Variants in CPEB3 observed in about 807,000 individuals in gnomAD.
CPEB3 encodes the protein cytoplasmic polyadenylation element binding protein 3.
A neutral mutation model predicts 67.2 loss-of-function variants in CPEB3; 20 were observed. The ratio of observed to expected loss-of-function variants is 0.30; its 90% confidence interval spans 0.21 to 0.43. The LOEUF (loss-of-function observed/expected upper bound fraction) is 0.43, where lower values mean the gene tolerates loss of function less well. Among genes scored for constraint, CPEB3 ranks in the 20% least tolerant of loss-of-function variants. The pLI, the probability that CPEB3 is intolerant of heterozygous loss-of-function variation, is 1.00. For missense variants in CPEB3, 746 were observed against 968.6 expected (o/e 0.77, Z 3.05); for synonymous variants, 376 against 393.1 (o/e 0.96, Z 0.51).
intron 1 of CPEB3, among the ~76,000 whole-genome samples, chr10:92,253,463 CAAA>C (rs370091703): frequency 2.6e-5 from 2 of 76,852 alleles, no homozygotes; most frequent in Non-Finnish European, 5.1e-5. Flanking sequence ...TGTCTCAAAA[CAAA>C]AAAAAAAAAA....
At chr10:92,279,834 AC>A (rs777156824) in intron 1 of CPEB3, among the ~76,000 whole-genome samples, 29 of 152,174 alleles carry the variant, frequency 1.9e-4, no homozygotes, top group Middle Eastern at 3.4e-3. Flanking sequence ...ACATGGCGAA[AC>A]CCCGTCTCTA....
intron 4 of CPEB3, among the ~76,000 whole-genome samples, chr10:92,171,483 G>C (rs1393602980): frequency 6.6e-6 from 1 of 152,112 alleles, no homozygotes; most frequent in Non-Finnish European, 1.5e-5. Flanking sequence ...CAGTCTCTCA[G>C]ACATGGGTGT....
chr10:92,218,379 C>A (rs1440911103), intron 2 of CPEB3, among the ~76,000 whole-genome samples: 1 of 152,106 alleles, frequency 6.6e-6, no homozygotes, highest in Non-Finnish European at 1.5e-5. Flanking sequence ...TGCACTCCAG[C>A]CTGTGCTACA....
At position 92,091,947 on chromosome 10, in the gene CPEB3, GA is replaced by G; in HGVS notation, c.1573-4del. ...AGGTTCCATGGTCGAATTTGCACCT[GA>G]AAAAAAGTTGTTTACTTGGTCCTTA... On this transcript the variant is annotated splice_region_variant and splice_polypyrimidine_tract_variant and intron_variant, in intron 7 of 9. Transcript: ENST00000265997. The G allele has an allele frequency of 2.5e-6, 4 of 1,596,078 alleles. No homozygotes were observed. The highest frequency in any genetic ancestry group is 3.4e-6 in the Non-Finnish European group (4 of 1,165,492).
intron 6 of CPEB3, among the ~76,000 whole-genome samples, chr10:92,135,314 A>G (rs1197204933): frequency 6.6e-6 from 1 of 152,220 alleles, no homozygotes; most frequent in African/African-American, 2.4e-5. Context: ...AAACAAATTT[A>G]CAAGAGAAAA....
chr10:92,191,086 A>C (rs1239315687), intron 3 of CPEB3, among the ~76,000 whole-genome samples: 1 of 152,282 alleles, frequency 6.6e-6, no homozygotes, highest in East Asian at 1.9e-4. Flanking sequence ...CACTTTTTAA[A>C]GTCAAAAACT....
At chr10:92,153,346 A>G (rs1847051857) in intron 4 of CPEB3, among the ~76,000 whole-genome samples, 1 of 152,344 alleles carries the variant, frequency 6.6e-6, no homozygotes, top group African/African-American at 2.4e-5. Context: ...TAATATCAAT[A>G]TATTTTTTAT....
intron 1 of CPEB3, among the ~76,000 whole-genome samples, chr10:92,259,229 C>T (rs938647827): frequency 8.6e-5 from 13 of 151,868 alleles, no homozygotes; most frequent in Non-Finnish European, 1.9e-4. Flanking sequence ...TCCCAAAGTA[C>T]TGGGATTACA....
At chr10:92,157,909 ATAATT>A (rs1847282084) in intron 4 of CPEB3, among the ~76,000 whole-genome samples, 2 of 152,144 alleles carry the variant, frequency 1.3e-5, no homozygotes, top group Admixed American at 1.3e-4. Flanking sequence ...TTTTGCTAAA[ATAATT>A]AAGATAGAAC....
chr10:92,194,076 G>GT lies in CPEB3; in HGVS notation c.1006-1441dup, dbSNP rs767075347. On this transcript the variant is annotated intron_variant, in intron 2 of 9. Coordinates refer to ENST00000265997, the MANE Select transcript of CPEB3 (RefSeq NM_014912.5). ...CTCCCAAAGTACAGGGATTACAGGC[G>GT]TGAGACACCGCGCCCGGCCTACCTT... is the stretch of plus-strand genomic sequence containing the variant. Among the ~76,000 whole-genome samples, 94 of 151,584 alleles carry GT rather than the reference G, an allele frequency of 6.2e-4. No individual in the cohort carries two copies. The Middle Eastern group carries it at 0.034, about 55-fold the overall frequency.
chr10:92,186,865 T>C (rs567522431), intron 3 of CPEB3, among the ~76,000 whole-genome samples: 3 of 152,176 alleles, frequency 2.0e-5, no homozygotes, highest in African/African-American at 7.2e-5. Context: ...ACAAGAACCA[T>C]CACTTCTTGC....
intron 2 of CPEB3, among the ~76,000 whole-genome samples, chr10:92,199,404 A>G (rs1849400294): frequency 6.6e-6 from 1 of 150,692 alleles, no homozygotes; most frequent in Non-Finnish European, 1.5e-5. Context: ...AAAAAAAAAA[A>G]AAAAAAGGCC....
At chr10:92,214,865 T>C (rs1850270558) in intron 2 of CPEB3, among the ~76,000 whole-genome samples, 1 of 152,148 alleles carries the variant, frequency 6.6e-6, no homozygotes, top group Non-Finnish European at 1.5e-5. Context: ...TTTCTTTTTT[T>C]TGAGACAGAG....
intron 6 of CPEB3, among the ~76,000 whole-genome samples, chr10:92,115,529 G>A (rs1043377852): frequency 5.5e-4 from 83 of 152,266 alleles, no homozygotes; most frequent in Middle Eastern, 3.4e-3. Flanking sequence ...CTAATTGGGC[G>A]GAAAAGAAAA....
intron 2 of CPEB3, among the ~76,000 whole-genome samples, chr10:92,225,599 T>A (rs1850932909): frequency 6.6e-6 from 1 of 152,210 alleles, no homozygotes; most frequent in Non-Finnish European, 1.5e-5. Context: ...AACATTTTGT[T>A]ATAATGGATT....
chr10:92,099,701 A>C (rs1290423407), intron 7 of CPEB3, among the ~76,000 whole-genome samples: 1 of 150,820 alleles, frequency 6.6e-6, no homozygotes, highest in Non-Finnish European at 1.5e-5. Flanking sequence ...TAAAAAAAAA[A>C]AAAATACAAA....
intron 3 of CPEB3, 33 bp downstream of exon 3, chr10:92,192,444 C>A: frequency 6.4e-7 from 1 of 1,553,344 alleles, no homozygotes; most frequent in Non-Finnish European, 8.7e-7. Flanking sequence ...CTTAAAACAC[C>A]AAGCAAGAAA....
At chr10:92,071,287 C>T (rs953913879) in intron 9 of CPEB3, among the ~76,000 whole-genome samples, 16 of 152,112 alleles carry the variant, frequency 1.1e-4, no homozygotes, top group African/African-American at 3.6e-4. Flanking sequence ...AAATTTCTAG[C>T]GGACAACATG....
chr10:92,284,283 C>T (rs1483276625), intron 1 of CPEB3, among the ~76,000 whole-genome samples: 6 of 150,356 alleles, frequency 4.0e-5, no homozygotes, highest in Non-Finnish European at 8.9e-5. Flanking sequence ...GTCATCCGCC[C>T]GCCTCAGCCT....
Sources: gnomAD v4.1 joint callset for allele counts (sites outside exome capture counted in the v4.1 genomes callset) on GRCh38, gnomAD v4.1.1 for gene constraint, MANE v1.5 for transcripts, NCBI Gene and HGNC (gene_info 2026-07-23, HGNC 2026-07-21) for gene names.